TRPM6: variants seen among roughly 807,000 people sequenced by gnomAD.
TRPM6 encodes the protein channel kinase 2.
A neutral mutation model predicts 247.6 loss-of-function variants in TRPM6; 111 were observed. That is an observed-to-expected ratio of 0.45 (90% CI 0.38 to 0.52). TRPM6 has a LOEUF of 0.52. Ranked by LOEUF, TRPM6 falls within the 20% of genes least tolerant of loss-of-function variation. The pLI is 0.00. For missense variants in TRPM6, 2,126 were observed against 2,421.5 expected (o/e 0.88, Z 2.56); for synonymous variants, 892 against 853.8 (o/e 1.04, Z -0.78).
intron 21 of TRPM6, among the ~76,000 whole-genome samples, chr9:74,785,402 C>G (rs1389680832): frequency 6.6e-6 from 1 of 152,164 alleles, no homozygotes; most frequent in Admixed American, 6.5e-5. Context: ...AGGATTAATG[C>G]TCGAGGTGAT....
intron 1 of TRPM6, among the ~76,000 whole-genome samples, chr9:74,868,474 G>A (rs1774678455): frequency 6.6e-6 from 1 of 151,970 alleles, no homozygotes. Flanking sequence ...CAGCCTGGTC[G>A]ACAGAGCGAG....
At chr9:74,798,870 G>T (rs552567428) in intron 17 of TRPM6, among the ~76,000 whole-genome samples, 28 of 152,132 alleles carry the variant, frequency 1.8e-4, no homozygotes, top group African/African-American at 6.7e-4. Flanking sequence ...CTCCTTTTTG[G>T]TATGAAGTAT....
At chr9:74,768,778 T>C (rs958505750) in intron 25 of TRPM6, among the ~76,000 whole-genome samples, 1 of 152,222 alleles carries the variant, frequency 6.6e-6, no homozygotes, top group Non-Finnish European at 1.5e-5. Context: ...GTGGTTCTTA[T>C]TCTGACCCCC....
chr9:74,781,463 G>C (rs1288317862), intron 23 of TRPM6, among the ~76,000 whole-genome samples: 1 of 147,138 alleles, frequency 6.8e-6, no homozygotes, highest in Non-Finnish European at 1.5e-5. Context: ...TTGAACCCAG[G>C]AGGCAGAGGT....
intron 25 of TRPM6, among the ~76,000 whole-genome samples, chr9:74,766,142 G>GAATGGATAC (rs1826818471): frequency 6.6e-6 from 1 of 152,158 alleles, no homozygotes; most frequent in Non-Finnish European, 1.5e-5. Context: ...CAGTCACATC[G>GAATGGATAC]AATGGATACA....
intron 17 of TRPM6, among the ~76,000 whole-genome samples, chr9:74,797,877 ATAT>A (rs934199916): frequency 3.3e-5 from 5 of 152,290 alleles, no homozygotes; most frequent in African/African-American, 1.2e-4. Context: ...AAATTAGTTG[ATAT>A]TATAAAATCA....
At chr9:74,763,714 T>C (rs1826732004) in intron 25 of TRPM6, among the ~76,000 whole-genome samples, 1 of 152,210 alleles carries the variant, frequency 6.6e-6, no homozygotes, top group African/African-American at 2.4e-5. Flanking sequence ...AAGACTTATA[T>C]TCAGAAAAAG....
chr9:74,870,947 G>A (rs1831007752), intron 1 of TRPM6, among the ~76,000 whole-genome samples: 1 of 151,260 alleles, frequency 6.6e-6, no homozygotes, highest in Admixed American at 6.6e-5. Flanking sequence ...AAAAAGAAAA[G>A]AAAAGAAAAA....
chr9:74,858,941 T>C (rs1016514172), intron 1 of TRPM6, among the ~76,000 whole-genome samples, 193 bp from the exon 2 acceptor site: 4 of 152,162 alleles, frequency 2.6e-5, no homozygotes, highest in African/African-American at 7.2e-5. Context: ...AATGTGAACA[T>C]TAAACGACAC....
At chr9:74,851,763 A>ATAT (rs1269419280) in intron 3 of TRPM6, among the ~76,000 whole-genome samples, 2 of 138,528 alleles carry the variant, frequency 1.4e-5, no homozygotes, top group African/African-American at 5.3e-5. Context: ...AAAAAAAAAA[A>ATAT]ATATATATAT....
At chr9:74,758,912 TAAAGA>T in intron 27 of TRPM6, among the ~76,000 whole-genome samples, 1 of 152,170 alleles carries the variant, frequency 6.6e-6, no homozygotes, top group South Asian at 2.1e-4. Flanking sequence ...TCTACTCAAG[TAAAGA>T]AGTTTAGCAA....
At chr9:74,780,453 T>TC (rs1827397659) in intron 23 of TRPM6, among the ~76,000 whole-genome samples, 1 of 135,820 alleles carries the variant, frequency 7.4e-6, no homozygotes, top group Admixed American at 7.2e-5. Context: ...AAACTCCGTC[T>TC]CAAAAAAAAA....
At chr9:74,804,331 A>G (rs1027847012) in intron 14 of TRPM6, 1 of 426,492 alleles carries the variant, frequency 2.3e-6, no homozygotes, top group African/African-American at 2.0e-5. Flanking sequence ...CAGGTATTAT[A>G]TAATATCTCC....
intron 3 of TRPM6, among the ~76,000 whole-genome samples, 162 bp from the exon 4 acceptor site, chr9:74,842,505 G>A (rs1829976495): frequency 6.6e-6 from 1 of 152,124 alleles, no homozygotes; most frequent in African/African-American, 2.4e-5. Context: ...TCTAAGTTTA[G>A]AAACACTATT....
chr9:74,747,542 T>C (rs1476755936), intron 31 of TRPM6, among the ~76,000 whole-genome samples: 1 of 152,142 alleles, frequency 6.6e-6, no homozygotes, highest in Non-Finnish European at 1.5e-5. Flanking sequence ...AAGGCACCCA[T>C]ATAACAATCT....
intron 5 of TRPM6, 34 bp downstream of exon 5, chr9:74,839,990 A>G: frequency 6.7e-7 from 1 of 1,487,656 alleles, no homozygotes; most frequent in Admixed American, 1.8e-5. Context: ...AGGGTGAAAG[A>G]GAGGGTGGGA....
intron 6 of TRPM6, among the ~76,000 whole-genome samples, chr9:74,832,534 C>A (rs1310789991): frequency 1.3e-5 from 2 of 151,956 alleles, no homozygotes; most frequent in African/African-American, 4.8e-5. Context: ...TTTTCATTGT[C>A]CATATATTTT....
chr9:74,772,762 C>A (rs1340174658), intron 24 of TRPM6, among the ~76,000 whole-genome samples: 1 of 152,144 alleles, frequency 6.6e-6, no homozygotes. Flanking sequence ...AATCCCAGCA[C>A]TTTGGGAGGC....
chr9:74,821,636 T>C (rs1190236046), intron 8 of TRPM6, 33 bp downstream of exon 8: 1 of 1,613,532 alleles, frequency 6.2e-7, no homozygotes, highest in South Asian at 1.1e-5. Context: ...AAACAGCCCC[T>C]ATAGTTTCAA....
Sources: gnomAD v4.1 joint callset for allele counts (sites outside exome capture counted in the v4.1 genomes callset) on GRCh38, gnomAD v4.1.1 for gene constraint, MANE v1.5 for transcripts, NCBI Gene and HGNC (gene_info 2026-07-23, HGNC 2026-07-21) for gene names.